The following TRPM2 variants were observed in gnomAD, a reference collection of about 807,000 sequenced individuals.
TRPM2 encodes estrogen-responsive element-associated gene 1 protein.
TRPM2 carries 161 observed loss-of-function variants against 174.0 expected under a neutral mutation model. The ratio of observed to expected loss-of-function variants is 0.93; its 90% CI spans 0.81 to 1.05. The LOEUF (loss-of-function observed/expected upper bound fraction) is 1.05. Ranked by LOEUF, TRPM2 falls within the 50% of genes least tolerant of loss-of-function variation. TRPM2 has a pLI of 0.00. For missense variants in TRPM2, 2,057 were observed against 2,038.0 expected (o/e 1.01, Z -0.18); for synonymous variants, 954 against 861.3 (o/e 1.11, Z -1.88).
chr21:44,386,140 C>T (rs1291237251), intron 9 of TRPM2, among the ~76,000 whole-genome samples: 1 of 152,182 alleles, frequency 6.6e-6, no homozygotes, highest in African/African-American at 2.4e-5. Context: ...AATCTCAGCA[C>T]TTTGGGAGGC....
intron 23 of TRPM2, 67 bp from the exon 24 acceptor site, chr21:44,424,785 G>T: frequency 9.4e-7 from 1 of 1,065,404 alleles, no homozygotes; most frequent in South Asian, 1.9e-5. Flanking sequence ...AGTCTCGGTG[G>T]GCAGTGGGGT....
At chr21:44,365,628 T>C (rs1484972401) in intron 3 of TRPM2, among the ~76,000 whole-genome samples, 6 of 152,152 alleles carry the variant, frequency 3.9e-5, no homozygotes, top group Non-Finnish European at 8.8e-5. Context: ...TGGGTTTGAA[T>C]CCAGCTGTGT....
In TRPM2 at chr21:44,376,494, C is replaced by T. The variant is rs1409251698; in HGVS notation, c.952+481C>T. Among the ~76,000 whole-genome samples, 1 of 152,154 alleles carries T rather than the reference C, an allele frequency of 6.6e-6. No individual in the cohort carries two copies. The highest frequency in any genetic ancestry group is 2.4e-5 in the African/African-American group (1 of 41,434). Reference sequence around the variant, plus strand: ...AACTTCTGGGCTCAAGGGATCCTCCCATCACCCTCCCAAAGTGCTGGGATT... The same window carrying T: ...AACTTCTGGGCTCAAGGGATCCTCCTATCACCCTCCCAAAGTGCTGGGATT... On this transcript the variant is annotated intron_variant, in intron 6 of 31. Coordinates refer to ENST00000397928, the MANE Select transcript of TRPM2 (RefSeq NM_003307.4). The surrounding 1 kb of genome is among the most constrained non-coding windows in gnomAD (Gnocchi z 4.2).
In TRPM2 at chr21:44,406,869, G is replaced by A. The variant is rs577943261; in HGVS notation, c.2962+104G>A. 2.6e-4 allele frequency: 368 copies of A among 1,407,882 alleles called. 3 individuals carry two copies. In the East Asian group the frequency reaches 8.9e-3, roughly 34 times the overall value. 87.2% of individuals were successfully genotyped at this position (1,407,882 alleles called of 1,614,324 possible). Reference sequence around the variant, plus strand: ...GGAGTGAGGCCGGCTCCATCAGGGGGTCCTGCGGTTCCCACCTGGCCGGTG... The same window carrying A: ...GGAGTGAGGCCGGCTCCATCAGGGGATCCTGCGGTTCCCACCTGGCCGGTG... On this transcript the variant is annotated intron_variant, in intron 19 of 31. Coordinates refer to ENST00000397928, the MANE Select transcript of TRPM2 (RefSeq NM_003307.4).
In TRPM2 at chr21:44,406,646, T is replaced by A. The variant is rs748341958; in HGVS notation, c.2843T>A (p.Phe948Tyr). The A allele has an allele frequency of 1.2e-6, 2 of 1,610,722 alleles. No individual in the cohort carries two copies. Among genetic ancestry groups the A allele is most frequent in the Non-Finnish European group, 1.7e-6 (2 of 1,179,404 alleles). ...CTGCTGGCTGTGTGGGTGGTGTCCT[T>A]CGGGGTGGCCAAGCAGGCCATCCTC... ...LFLLAVWVVSFGVAKQAILIH... is the reference protein window; with the variant it reads ...LFLLAVWVVSYGVAKQAILIH... The change falls in exon 19 of 32, where the codon TTC becomes TAC. Residue 948 changes from phenylalanine (F) to tyrosine (Y), a missense_variant. Physicochemically the swap from Phe to Tyr is conservative, Grantham distance 22 (BLOSUM62 3). Coordinates refer to ENST00000397928, the MANE Select transcript of TRPM2 (RefSeq NM_003307.4).
In TRPM2 at chr21:44,391,424, G is replaced by A. The variant is rs2049170186; in HGVS notation, c.1593G>A (p.Leu531=). Residue 531 remains leucine (L), a synonymous_variant, in exon 11 of 32, where the codon CTG becomes CTA. Coordinates refer to ENST00000397928, the MANE Select transcript of TRPM2 (RefSeq NM_003307.4). This position sits in a 1 kb window ranked among gnomAD's most constrained non-coding sequence, Gnocchi z 5.0. ...ACGAGAACCTGGACCCCTCCTGCCTGTTCCACAGCAAGCTGCAGAAGGTGC... is the reference window on the plus strand; with the variant it reads ...ACGAGAACCTGGACCCCTCCTGCCTATTCCACAGCAAGCTGCAGAAGGTGC... ...YLYENLDPSC[L]FHSKLQKVLV... 1.2e-6 allele frequency: 2 copies of A among 1,614,044 alleles called. No homozygotes were observed. The highest frequency in any genetic ancestry group is 8.5e-7 in the Non-Finnish European group (1 of 1,180,046).
chr21:44,417,247 C>A (rs112200578), intron 20 of TRPM2, among the ~76,000 whole-genome samples: 1 of 141,650 alleles, frequency 7.1e-6, no homozygotes, highest in Admixed American at 7.0e-5. Flanking sequence ...TGGCTCTGCT[C>A]TCTGTGGCAT....
At chr21:44,364,578 C>T (rs984911849) in intron 3 of TRPM2, among the ~76,000 whole-genome samples, 4 of 151,898 alleles carry the variant, frequency 2.6e-5, no homozygotes, top group African/African-American at 9.7e-5. Flanking sequence ...CCTTGGGCGG[C>T]ATTTGTCAGG....
At chr21:44,351,061 G>T (rs2047919868), upstream of TRPM2, among the ~76,000 whole-genome samples, 2 of 152,246 alleles carry the variant, frequency 1.3e-5, no homozygotes, top group Admixed American at 6.5e-5. Context: ...GGAGTGCAGG[G>T]CGCGCCTGTC....
In TRPM2 at chr21:44,391,230, G is replaced by A; in HGVS notation, c.1441-42G>A. On this transcript the variant is annotated intron_variant, in intron 10 of 31. Transcript: ENST00000397928. The surrounding 1 kb of genome is among the most constrained non-coding windows in gnomAD (Gnocchi z 5.0). Reference sequence around the variant, plus strand: ...CTTTGAGATCAGGATGACATGGGGTGATGACCAAATGCAACCGTCACTGCA... The same window carrying A: ...CTTTGAGATCAGGATGACATGGGGTAATGACCAAATGCAACCGTCACTGCA... 1 of 1,577,814 alleles carries A rather than the reference G, an allele frequency of 6.3e-7. No homozygotes were observed. The highest frequency in any genetic ancestry group is 1.7e-4 in the Middle Eastern group (1 of 5,908).
chr21:44,423,771 T>A (rs1313129132), intron 23 of TRPM2, 39 bp downstream of exon 23: 1 of 1,531,112 alleles, frequency 6.5e-7, no homozygotes, highest in Admixed American at 1.9e-5. Context: ...GAGGTGCCAC[T>A]GCTGGGCCTG....
Position 44,391,353 on chromosome 21 carries a change from G to T in TRPM2, c.1522G>T (p.Val508Leu). The part of the protein sequence containing the change: ...EFVKLFLENG[V>L]QLKEFVTWDT... ...TGTGAAGCTCTTCCTGGAGAACGGGGTGCAGCTGAAGGAGTTTGTCACCTG... is the reference window on the plus strand; with the variant it reads ...TGTGAAGCTCTTCCTGGAGAACGGGTTGCAGCTGAAGGAGTTTGTCACCTG... The change falls in exon 11 of 32, where the codon GTG becomes TTG. Residue 508 changes from valine to leucine, a missense_variant. Coordinates refer to ENST00000397928, the MANE Select transcript of TRPM2 (RefSeq NM_003307.4). This position sits in a 1 kb window ranked among gnomAD's most constrained non-coding sequence, Gnocchi z 5.0. 3 of 1,614,164 alleles carry T rather than the reference G, an allele frequency of 1.9e-6. No homozygotes were observed. The highest frequency in any genetic ancestry group is 1.7e-6 in the Non-Finnish European group (2 of 1,180,030).
intron 24 of TRPM2, 130 bp downstream of exon 24, chr21:44,425,069 TC>T: frequency 1.2e-6 from 1 of 836,788 alleles, no homozygotes; most frequent in Non-Finnish European, 1.8e-6. Flanking sequence ...TGCAGCCTGT[TC>T]CAGGCAGGGC....
intron 9 of TRPM2, among the ~76,000 whole-genome samples, chr21:44,390,681 C>G (rs543864847): frequency 6.6e-6 from 1 of 152,118 alleles, no homozygotes; most frequent in Non-Finnish European, 1.5e-5. Flanking sequence ...AGTGAGTGGA[C>G]GTGATGACCA....
In TRPM2 at chr21:44,405,223, G is replaced by A. The variant is rs200514790; in HGVS notation, c.2620G>A (p.Gly874Ser). 5.7e-5 allele frequency: 92 copies of A among 1,613,242 alleles called. No homozygotes were observed. The Admixed American group carries it at 1.0e-3, about 18-fold the overall frequency. The change falls in exon 17 of 32, where the codon GGC becomes AGC. Residue 874 changes from glycine (G) to serine (S), a missense_variant. Transcript: ENST00000397928. The part of the protein sequence containing the change: ...FSDFWNKLDV[G>S]AILLFVAGLT... ...TGACTTCTGGAATAAGCTGGACGTCGGCGCAATCTTGCTCTTCGTGGCAGG... is the reference window on the plus strand; with the variant it reads ...TGACTTCTGGAATAAGCTGGACGTCAGCGCAATCTTGCTCTTCGTGGCAGG...
intron 19 of TRPM2, among the ~76,000 whole-genome samples, chr21:44,411,787 G>A (rs887321785): frequency 6.6e-6 from 1 of 152,132 alleles, no homozygotes; most frequent in Non-Finnish European, 1.5e-5. Flanking sequence ...CTAGTTTCTT[G>A]AGTGTTTTTA....
intron 11 of TRPM2, among the ~76,000 whole-genome samples, chr21:44,392,163 A>G (rs1181553203): frequency 7.3e-5 from 11 of 151,358 alleles, no homozygotes; most frequent in African/African-American, 2.7e-4. Flanking sequence ...TGGTTTTGCT[A>G]TTTTGGACAG....
Position 44,391,490 on chromosome 21 carries a change from G to A in TRPM2, c.1659G>A (p.Ala553=), listed in dbSNP as rs763025249. 6 of 1,572,442 alleles carry A rather than the reference G, an allele frequency of 3.8e-6. No homozygotes were observed. Among genetic ancestry groups the A allele is most frequent in the Admixed American group, 1.8e-5 (1 of 55,088 alleles). ...AGCGCCCGGCTTGCGCGCCCGCGGC[G>A]CCCCGCCTGCAGATGCACCACGTGG... The part of the protein sequence containing the change: ...DPERPACAPA[A]PRLQMHHVAQ... The change falls in exon 11 of 32, where the codon GCG becomes GCA. Residue 553 remains alanine (A), a synonymous_variant. Transcript: ENST00000397928. This position sits in a 1 kb window ranked among gnomAD's most constrained non-coding sequence, Gnocchi z 5.0.
intron 20 of TRPM2, chr21:44,415,168 T>A (rs2050237222): frequency 6.6e-6 from 1 of 152,266 alleles, no homozygotes; most frequent in African/African-American, 2.4e-5. Flanking sequence ...TTTGCTGGTT[T>A]TGTGGATTTG....
Sources: allele counts gnomAD v4.1 joint callset (sites outside exome capture counted in the v4.1 genomes callset), GRCh38; gene constraint gnomAD v4.1.1; non-coding constraint Gnocchi (gnomAD v3.1); transcripts MANE v1.5; gene names NCBI Gene and HGNC (gene_info 2026-07-23, HGNC 2026-07-21).